SLC6A16: variants seen among roughly 807,000 people sequenced by gnomAD.
SLC6A16 encodes orphan sodium- and chloride-dependent neurotransmitter transporter NTT5.
A neutral mutation model predicts 65.4 loss-of-function variants in SLC6A16; 54 were observed. The ratio of observed to expected loss-of-function variants is 0.83; its 90% confidence interval spans 0.66 to 1.04. The LOEUF is 1.04. Ranked by LOEUF, SLC6A16 falls within the 50% of genes least tolerant of loss-of-function variation. The pLI is 0.00. For missense variants in SLC6A16, 816 were observed against 914.0 expected (o/e 0.89, Z 1.38); for synonymous variants, 330 against 346.5 (o/e 0.95, Z 0.53).
chr19:49,300,140 A>C (rs902644501), intron 7 of SLC6A16, among the ~76,000 whole-genome samples: 6 of 152,320 alleles, frequency 3.9e-5, no homozygotes, highest in Non-Finnish European at 7.3e-5. Flanking sequence ...TTGAACATTA[A>C]CTATATAATA....
chr19:49,308,402 A>G (rs1970436890), intron 7 of SLC6A16, among the ~76,000 whole-genome samples: 1 of 152,076 alleles, frequency 6.6e-6, no homozygotes, highest in African/African-American at 2.4e-5. Context: ...GCAGTGAGCC[A>G]AGTTCGCGCC....
At chr19:49,320,057 G>A (rs1970684007) in intron 1 of SLC6A16, among the ~76,000 whole-genome samples, 1 of 151,996 alleles carries the variant, frequency 6.6e-6, no homozygotes, top group Admixed American at 6.6e-5. Context: ...AAAATTTATG[G>A]GAGGCAACAA....
chr19:49,310,448 C>T lies in SLC6A16; in HGVS notation c.478G>A (p.Glu160Lys). Reference sequence around the variant, plus strand: ...CGCATGCTCTGACCAGCTGCCATCTCCAGGAAGAGAAGAGGAACCCCGACC... The same window carrying T: ...CGCATGCTCTGACCAGCTGCCATCTTCAGGAAGAGAAGAGGAACCCCGACC... ...FLVGVPLLFL[E>K]MAAGQSMRQG... is the part of the protein sequence containing the mutation. Residue 160 changes from glutamate (E) to lysine (K), a missense_variant, in exon 3 of 12, where the codon GAG (glutamate) becomes AAG (lysine). Transcript: ENST00000335875. 1 of 1,614,102 alleles carries T rather than the reference C, an allele frequency of 6.2e-7. No homozygotes were observed.
chr19:49,293,116 A>G, intron 10 of SLC6A16, 107 bp downstream of exon 10: 1 of 944,102 alleles, frequency 1.1e-6, no homozygotes, highest in Non-Finnish European at 1.6e-6. Context: ...CTCTGAACTT[A>G]AGGGTCCCTA....
At chr19:49,308,787 C>T in intron 7 of SLC6A16, 89 bp downstream of exon 7, 1 of 1,530,836 alleles carries the variant, frequency 6.5e-7, no homozygotes, top group Non-Finnish European at 8.9e-7. Context: ...AATGTGTGAA[C>T]ATGGGTCTTT....
At chr19:49,320,437 A>C (rs1970692351) in intron 1 of SLC6A16, among the ~76,000 whole-genome samples, 2 of 151,660 alleles carry the variant, frequency 1.3e-5, no homozygotes, top group Admixed American at 6.6e-5. Context: ...ACAAAAAAAA[A>C]CCAGATCTTG....
the SLC6A16 span, chr19:49,336,586 T>C: frequency 4.1e-5 from 10 of 244,264 alleles, no homozygotes; most frequent in Middle Eastern, 1.4e-3. Context: ...ATAGATATCA[T>C]CTCCTATGCC....
chr19:49,329,281 GT>G (rs1216728504), upstream of SLC6A16, among the ~76,000 whole-genome samples: 1 of 152,024 alleles, frequency 6.6e-6, no homozygotes, highest in Admixed American at 6.6e-5. Flanking sequence ...TAGAGACGGG[GT>G]TTCACTATGT....
intron 7 of SLC6A16, among the ~76,000 whole-genome samples, chr19:49,298,173 A>G (rs1337940926): frequency 6.6e-6 from 1 of 152,206 alleles, no homozygotes; most frequent in Non-Finnish European, 1.5e-5. Context: ...GTAGAGAAAC[A>G]ATGTTAAAAG....
upstream of SLC6A16, chr19:49,325,370 A>C (rs2146188336): frequency 7.6e-6 from 3 of 397,280 alleles, no homozygotes; most frequent in Non-Finnish European, 1.0e-5. Flanking sequence ...TCCCTTCCCC[A>C]CCGCACCCCA....
At chr19:49,339,723 C>G in the SLC6A16 span, 2 of 1,400,288 alleles carry the variant, frequency 1.4e-6, no homozygotes, top group South Asian at 1.7e-5. This position sits in a 1 kb window ranked among gnomAD's most constrained non-coding sequence, Gnocchi z 4.5. Flanking sequence ...GCGAGCCGCA[C>G]GTGCCGGGCG....
the SLC6A16 span, chr19:49,339,046 A>G: frequency 1.1e-6 from 1 of 940,302 alleles, no homozygotes; most frequent in Non-Finnish European, 1.6e-6. The surrounding 1 kb of genome is among the most constrained non-coding windows in gnomAD (Gnocchi z 4.5). Flanking sequence ...CGAGAAAAGG[A>G]AAGGTACGGC....
the SLC6A16 span, among the ~76,000 whole-genome samples, chr19:49,334,044 T>TCCCAGGGACCTTCCCACC: frequency 6.6e-6 from 1 of 152,074 alleles, no homozygotes. Flanking sequence ...CCCTCCCCAC[T>TCCCAGGGACCTTCCCACC]CCCAGGGACC....
At chr19:49,316,255 A>T (rs1461093048) in intron 1 of SLC6A16, among the ~76,000 whole-genome samples, 1 of 152,210 alleles carries the variant, frequency 6.6e-6, no homozygotes, top group Non-Finnish European at 1.5e-5. Flanking sequence ...AAATCTTCCC[A>T]AATACTCACA....
chr19:49,332,507 G>A, the SLC6A16 span, among the ~76,000 whole-genome samples: 2 of 151,546 alleles, frequency 1.3e-5, no homozygotes, highest in Admixed American at 6.6e-5. Flanking sequence ...GCAGTGAGCC[G>A]AGATCACACC....
intron 7 of SLC6A16, among the ~76,000 whole-genome samples, chr19:49,303,736 T>G (rs1970331975): frequency 1.3e-5 from 2 of 152,146 alleles, no homozygotes; most frequent in South Asian, 4.1e-4. Context: ...GTCATTTGAT[T>G]TATACAAGTG....
At chr19:49,330,943 AC>A in the SLC6A16 span, among the ~76,000 whole-genome samples, 153 of 146,484 alleles carry the variant, frequency 1.0e-3, no homozygotes, top group African/African-American at 4.0e-3. Context: ...CAAAAAAAAA[AC>A]ACAAAAAAAA....
chr19:49,290,222 G>T lies in SLC6A16; in HGVS notation c.2112C>A (p.Pro704=), dbSNP rs2146054565. ...DGPMTASTSL[P]LSHQLTPSKE... The stretch of plus-strand genomic sequence containing the variant: ...TACTGGGTGTTAGCTGGTGACTTAG[G>T]GGTAGGGATGTGGAGGCTGTCATAG... The change falls in exon 12 of 12, where the codon CCC becomes CCA. Residue 704 remains proline, a synonymous_variant. Transcript: ENST00000335875. 1 of 1,614,148 alleles carries T rather than the reference G, an allele frequency of 6.2e-7. No individual in the cohort carries two copies. Among genetic ancestry groups the T allele is most frequent in the Non-Finnish European group, 8.5e-7 (1 of 1,180,028 alleles).
At chr19:49,335,292 A>C in the SLC6A16 span, 2 of 532,500 alleles carry the variant, frequency 3.8e-6, no homozygotes, top group South Asian at 2.4e-5. The surrounding 1 kb of genome is among the most constrained non-coding windows in gnomAD (Gnocchi z 4.6). Context: ...AAGGCCCCTC[A>C]GGTACCAGAG....
Sources: gnomAD v4.1 joint callset for allele counts (sites outside exome capture counted in the v4.1 genomes callset) on GRCh38, gnomAD v4.1.1 for gene constraint, Gnocchi (gnomAD v3.1) non-coding constraint, MANE v1.5 for transcripts, NCBI Gene and HGNC (gene_info 2026-07-23, HGNC 2026-07-21) for gene names.